Variants in RAP1GDS1 observed in about 807,000 individuals in gnomAD.
RAP1GDS1 encodes the protein Rap1 GTPase-GDP dissociation stimulator 1, also known as RAP1, GTP-GDP dissociation stimulator 1.
RAP1GDS1 carries 35 observed loss-of-function variants against 71.1 expected under a neutral mutation model. The observed-to-expected ratio is 0.49, with a 90% CI of 0.38 to 0.65. The LOEUF (loss-of-function observed/expected upper bound fraction) is 0.65. Among genes scored for constraint, RAP1GDS1 ranks in the 30% least tolerant of loss-of-function variants. The probability of loss-of-function intolerance (pLI) is 0.00; values close to 1 mark genes in which losing one functional copy is unlikely to be tolerated. For missense variants in RAP1GDS1, 663 were observed against 706.1 expected (o/e 0.94, Z 0.69); for synonymous variants, 229 against 243.1 (o/e 0.94, Z 0.54).
chr4:98,314,674 G>A (rs1008881600), intron 2 of RAP1GDS1, among the ~76,000 whole-genome samples: 23 of 152,062 alleles, frequency 1.5e-4, no homozygotes, highest in Non-Finnish European at 3.2e-4. Flanking sequence ...TGGTAATCTT[G>A]CCCTGGAGAG....
At chr4:98,413,646 T>A (rs1747449999) in intron 7 of RAP1GDS1, among the ~76,000 whole-genome samples, 1 of 151,898 alleles carries the variant, frequency 6.6e-6, no homozygotes, top group African/African-American at 2.4e-5. Flanking sequence ...TGGTTCCAAG[T>A]CTTTGCTATT....
At chr4:98,437,370 A>G (rs1284341380) in intron 14 of RAP1GDS1, among the ~76,000 whole-genome samples, 2 of 152,218 alleles carry the variant, frequency 1.3e-5, no homozygotes, top group African/African-American at 2.4e-5. Context: ...TCTCACTACA[A>G]TAGAAAGTAT....
intron 2 of RAP1GDS1, among the ~76,000 whole-genome samples, chr4:98,332,873 C>A (rs1343026281): frequency 6.6e-6 from 1 of 152,108 alleles, no homozygotes; most frequent in Non-Finnish European, 1.5e-5. Context: ...GTAAATAATT[C>A]CCTTCTAATT....
chr4:98,307,894 T>C (rs2110311224), intron 2 of RAP1GDS1, among the ~76,000 whole-genome samples: 1 of 152,296 alleles, frequency 6.6e-6, no homozygotes, highest in South Asian at 2.1e-4. Context: ...GTGATATGGT[T>C]AGCACCATAT....
chr4:98,343,362 G>A (rs990663195), intron 3 of RAP1GDS1, 101 bp downstream of exon 3: 31 of 1,377,360 alleles, frequency 2.3e-5, no homozygotes, highest in Non-Finnish European at 3.1e-5. Context: ...TTGTAGATTA[G>A]ACATTTTTTA....
Position 98,300,762 on chromosome 4 carries a change from A to G in RAP1GDS1, c.112+7247A>G, listed in dbSNP as rs558502126. ...AAACAAAAAACAAACAAACAAAAAA[A>G]ACTGGTGTGATTTGCTTTATAGTCA... On this transcript the variant is annotated intron_variant, in intron 2 of 14. Transcript: ENST00000408927. 3.9e-5 allele frequency among the ~76,000 whole-genome samples: 6 copies of G among 152,296 alleles called. No individual in the cohort carries two copies. The South Asian group carries it at 1.0e-3, about 26-fold the overall frequency.
chr4:98,323,827 G>C (rs1314157758), intron 2 of RAP1GDS1, among the ~76,000 whole-genome samples: 1 of 150,270 alleles, frequency 6.7e-6, no homozygotes, highest in South Asian at 2.1e-4. Flanking sequence ...TACTGAATGG[G>C]CAAAAACTGG....
chr4:98,369,788 A>G (rs929622421), intron 4 of RAP1GDS1, among the ~76,000 whole-genome samples: 2 of 152,194 alleles, frequency 1.3e-5, no homozygotes, highest in Admixed American at 6.5e-5. Context: ...AGGTATGTAG[A>G]GCTGTCAGCA....
intron 7 of RAP1GDS1, among the ~76,000 whole-genome samples, chr4:98,408,215 CTCCGAGGTTCA>C (rs1746445648): frequency 6.6e-6 from 1 of 152,070 alleles, no homozygotes. Context: ...CAGCCTCCAT[CTCCGAGGTTCA>C]AGCAATTCTC....
chr4:98,279,284 G>T (rs1047138341), intron 1 of RAP1GDS1, among the ~76,000 whole-genome samples: 2 of 151,634 alleles, frequency 1.3e-5, no homozygotes, highest in African/African-American at 4.8e-5. Context: ...TTTTTCTAAG[G>T]AACATTATTA....
intron 4 of RAP1GDS1, among the ~76,000 whole-genome samples, chr4:98,372,335 G>C (rs12511262): frequency 6.6e-6 from 1 of 152,098 alleles, no homozygotes; most frequent in Non-Finnish European, 1.5e-5. Context: ...GCTAATTTTT[G>C]TATGTTTTTT....
rs1007793063 is a variant in RAP1GDS1 at position 98,356,188 on chromosome 4, C to T, written c.361+3587C>T. The stretch of plus-strand genomic sequence containing the variant: ...AAATATGTGCGATTGATGGGATACA[C>T]CAGGGAATGTGGTTTTAAAGCGCAG... On this transcript the variant is annotated intron_variant, in intron 4 of 14. Transcript: ENST00000408927. 1.8e-4 allele frequency among the ~76,000 whole-genome samples: 27 copies of T among 151,996 alleles called. 1 individual carries two copies. Among genetic ancestry groups the T allele is most frequent in the African/African-American group, 6.5e-4 (27 of 41,414 alleles).
intron 6 of RAP1GDS1, among the ~76,000 whole-genome samples, chr4:98,399,252 C>T (rs1173892499): frequency 6.6e-6 from 1 of 152,024 alleles, no homozygotes; most frequent in Non-Finnish European, 1.5e-5. Flanking sequence ...TTGCAAAGCA[C>T]AGAAAACAAC....
intron 4 of RAP1GDS1, among the ~76,000 whole-genome samples, chr4:98,360,469 GT>G (rs906378426): frequency 1.3e-5 from 2 of 151,968 alleles, no homozygotes; most frequent in Admixed American, 1.3e-4. Flanking sequence ...CTACTTGGGG[GT>G]TTAAAAACAT....
At chr4:98,322,164 A>T (rs1732043945) in intron 2 of RAP1GDS1, among the ~76,000 whole-genome samples, 1 of 85,762 alleles carries the variant, frequency 1.2e-5, no homozygotes, top group Non-Finnish European at 2.3e-5. Flanking sequence ...AGATCAAAAG[A>T]GACAAAGAAG....
At chr4:98,355,031 G>A (rs1737746039) in intron 4 of RAP1GDS1, among the ~76,000 whole-genome samples, 1 of 152,134 alleles carries the variant, frequency 6.6e-6, no homozygotes, top group Non-Finnish European at 1.5e-5. Flanking sequence ...TTTCTAGAAT[G>A]ATTGCAGGAC....
chr4:98,276,949 A>G (rs1311855171), intron 1 of RAP1GDS1, among the ~76,000 whole-genome samples: 1 of 152,166 alleles, frequency 6.6e-6, no homozygotes. Context: ...CTACTTGGCT[A>G]GATTAGGGAA....
At chr4:98,413,734 C>T (rs1225402773) in intron 7 of RAP1GDS1, among the ~76,000 whole-genome samples, 3 of 152,086 alleles carry the variant, frequency 2.0e-5, no homozygotes, top group Non-Finnish European at 4.4e-5. Flanking sequence ...GGTATATACC[C>T]AGTAATGGGA....
chr4:98,286,913 A>G (rs1273343788), intron 1 of RAP1GDS1, among the ~76,000 whole-genome samples: 3 of 150,782 alleles, frequency 2.0e-5, no homozygotes, highest in African/African-American at 7.3e-5. Context: ...AAAAAAAAGA[A>G]TGAATGAAAA....
Sources: allele counts gnomAD v4.1 joint callset (sites outside exome capture counted in the v4.1 genomes callset), GRCh38; gene constraint gnomAD v4.1.1; transcripts MANE v1.5; gene names NCBI Gene and HGNC (gene_info 2026-07-23, HGNC 2026-07-21).